SGCD: variants seen among roughly 807,000 people sequenced by gnomAD.
The protein encoded by SGCD is delta-sarcoglycan.
Under a neutral mutation model 36.6 loss-of-function variants are expected in SGCD, and 18 were observed. The ratio of observed to expected loss-of-function variants is 0.49; its 90% CI spans 0.34 to 0.73. SGCD has a LOEUF of 0.73. SGCD is among the 30% of genes least tolerant of loss of function. The probability of loss-of-function intolerance (pLI) is 0.01; values close to 1 mark genes in which losing one functional copy is unlikely to be tolerated. For missense variants in SGCD, 387 were observed against 346.7 expected (o/e 1.12, Z -0.92); for synonymous variants, 133 against 130.6 (o/e 1.02, Z -0.12).
intron 1 of SGCD, among the ~76,000 whole-genome samples, chr5:156,098,584 T>C (rs1238337003): frequency 1.4e-5 from 2 of 145,808 alleles, no homozygotes; most frequent in African/African-American, 5.4e-5. Context: ...TGAGAGCCTA[T>C]GGTTGTGTGT....
At chr5:156,572,093 G>A (rs1206670858) in intron 4 of SGCD, among the ~76,000 whole-genome samples, 2 of 152,180 alleles carry the variant, frequency 1.3e-5, no homozygotes, top group African/African-American at 4.8e-5. Context: ...CATTTTTGCA[G>A]GGGAATAATA....
chr5:156,141,585 C>T (rs531825552), intron 3 of SGCD, among the ~76,000 whole-genome samples: 4 of 152,122 alleles, frequency 2.6e-5, no homozygotes, highest in Non-Finnish European at 5.9e-5. Flanking sequence ...TCTGGTAGAT[C>T]AATGCAGTGG....
chr5:156,422,848 C>A (rs1293249900), intron 3 of SGCD, among the ~76,000 whole-genome samples: 1 of 151,820 alleles, frequency 6.6e-6, no homozygotes, highest in African/African-American at 2.4e-5. Context: ...TTCCCTTGTC[C>A]CAGTTGAGAA....
chr5:156,401,070 C>T (rs911284668), intron 3 of SGCD, among the ~76,000 whole-genome samples: 7 of 152,230 alleles, frequency 4.6e-5, no homozygotes, highest in Middle Eastern at 6.8e-3. Flanking sequence ...CTTGCCCTCA[C>T]GGAGCTTATA....
chr5:156,673,263 A>C (rs754294330), intron 7 of SGCD, among the ~76,000 whole-genome samples: 5 of 152,138 alleles, frequency 3.3e-5, no homozygotes, highest in Non-Finnish European at 5.9e-5. Context: ...TCTTTTTTCT[A>C]TTCATAATAT....
intron 3 of SGCD, among the ~76,000 whole-genome samples, chr5:156,152,509 T>G (rs554621952): frequency 6.6e-6 from 1 of 151,738 alleles, no homozygotes; most frequent in East Asian, 1.9e-4. Flanking sequence ...AAGTGCAAAA[T>G]ACACTTAAGA....
intron 3 of SGCD, among the ~76,000 whole-genome samples, chr5:156,210,680 G>T (rs957301572): frequency 6.6e-6 from 1 of 151,774 alleles, no homozygotes; most frequent in Admixed American, 6.6e-5. Context: ...GAAAAAAAAT[G>T]CAATGAAGAG....
chr5:155,832,539 C>G, the SGCD span, among the ~76,000 whole-genome samples: 8 of 152,234 alleles, frequency 5.3e-5, no homozygotes, highest in Non-Finnish European at 1.2e-4. Flanking sequence ...CTCTGTATAC[C>G]AAGCCCCATC....
At chr5:156,250,531 T>C (rs1765548457) in intron 3 of SGCD, among the ~76,000 whole-genome samples, 1 of 152,182 alleles carries the variant, frequency 6.6e-6, no homozygotes, top group Non-Finnish European at 1.5e-5. Context: ...TGTGAGACCC[T>C]GGATGAGGCT....
chr5:156,643,658 T>G (rs1442099996), intron 6 of SGCD, among the ~76,000 whole-genome samples: 1 of 152,138 alleles, frequency 6.6e-6, no homozygotes, highest in African/African-American at 2.4e-5. Context: ...GAAAATCAGG[T>G]TTTTGGTTTC....
chr5:155,827,353 C>A, the SGCD span, among the ~76,000 whole-genome samples: 1 of 152,142 alleles, frequency 6.6e-6, no homozygotes. Flanking sequence ...TGTGAAAGGT[C>A]ATCAGTGACC....
chr5:155,764,388 T>A, the SGCD span, among the ~76,000 whole-genome samples: 1 of 152,186 alleles, frequency 6.6e-6, no homozygotes, highest in East Asian at 1.9e-4. Flanking sequence ...GCAGGTCAAC[T>A]GTGGCTCAGA....
intron 1 of SGCD, among the ~76,000 whole-genome samples, chr5:155,883,358 T>G (rs1018889979): frequency 2.6e-5 from 4 of 152,218 alleles, no homozygotes; most frequent in African/African-American, 9.6e-5. Flanking sequence ...CCATTTTGGC[T>G]TTCTACATGC....
intron 3 of SGCD, among the ~76,000 whole-genome samples, chr5:156,298,087 C>T (rs567364660): frequency 2.0e-5 from 3 of 151,952 alleles, no homozygotes; most frequent in South Asian, 2.1e-4. Flanking sequence ...CCTCCAGGTC[C>T]GTCCATGTCA....
chr5:155,955,837 C>G (rs896533460), intron 1 of SGCD, among the ~76,000 whole-genome samples: 10 of 152,076 alleles, frequency 6.6e-5, no homozygotes, highest in African/African-American at 2.4e-4. Context: ...ATTTACTTAG[C>G]CCTGTAAAGA....
At chr5:156,405,740 A>G (rs1255082334) in intron 3 of SGCD, among the ~76,000 whole-genome samples, 5 of 152,056 alleles carry the variant, frequency 3.3e-5, no homozygotes, top group Admixed American at 3.3e-4. Flanking sequence ...TGTTGTCAAG[A>G]TGGTTTTGAG....
chr5:156,695,678 A>G (rs1423250310), intron 7 of SGCD, among the ~76,000 whole-genome samples: 2 of 152,200 alleles, frequency 1.3e-5, no homozygotes, highest in African/African-American at 4.8e-5. Context: ...AGAAATTGAC[A>G]AATTGCAAAT....
At chr5:156,676,325 A>G (rs1440540646) in intron 7 of SGCD, among the ~76,000 whole-genome samples, 1 of 152,166 alleles carries the variant, frequency 6.6e-6, no homozygotes, top group Non-Finnish European at 1.5e-5. Context: ...ACTAACCTAT[A>G]AGATAAAGTG....
chr5:156,014,141 A>T (rs529161607), intron 1 of SGCD, among the ~76,000 whole-genome samples: 1 of 152,196 alleles, frequency 6.6e-6, no homozygotes, highest in South Asian at 2.1e-4. Flanking sequence ...TGGTCTGTTC[A>T]TCAATCCTTG....
Sources: allele counts gnomAD v4.1 joint callset (sites outside exome capture counted in the v4.1 genomes callset), GRCh38; gene constraint gnomAD v4.1.1; transcripts MANE v1.5; gene names NCBI Gene and HGNC (gene_info 2026-07-23, HGNC 2026-07-21).